The following SPIN1 variants were observed in gnomAD, a reference collection of about 807,000 sequenced individuals.
The protein encoded by SPIN1 is spindlin 1, also known as spindlin-1.
Under a neutral mutation model 26.0 loss-of-function variants are expected in SPIN1, and 3 were observed. The observed-to-expected ratio is 0.12, with a 90% CI of 0.05 to 0.30. SPIN1 has a LOEUF of 0.30. SPIN1 is among the 10% of genes least tolerant of loss of function. The probability of loss-of-function intolerance (pLI) is 1.00; values close to 1 mark genes in which losing one functional copy is unlikely to be tolerated. For missense variants in SPIN1, 126 were observed against 333.4 expected (o/e 0.38, Z 4.84); for synonymous variants, 101 against 116.5 (o/e 0.87, Z 0.86).
intron 2 of SPIN1, among the ~76,000 whole-genome samples, chr9:88,441,431 A>ATGTG (rs927476863): frequency 4.3e-5 from 4 of 93,300 alleles, no homozygotes; most frequent in African/African-American, 1.3e-4. Context: ...GCGCGCGCCC[A>ATGTG]TGTGTGTGTA....
intron 2 of SPIN1, among the ~76,000 whole-genome samples, chr9:88,440,861 G>T (rs1259430473): frequency 6.6e-6 from 1 of 151,718 alleles, no homozygotes; most frequent in Non-Finnish European, 1.5e-5. Context: ...TTACAGGCAT[G>T]ACACCGCGCC....
chr9:88,410,593 T>C, intron 1 of SPIN1: 1 of 894,444 alleles, frequency 1.1e-6, no homozygotes, highest in Non-Finnish European at 1.9e-6. Context: ...GCCACCGTGG[T>C]TTCATGGTTT....
At chr9:88,459,521 C>A (rs930349704) in intron 3 of SPIN1, among the ~76,000 whole-genome samples, 1 of 152,132 alleles carries the variant, frequency 6.6e-6, no homozygotes, top group Admixed American at 6.5e-5. Context: ...TTTCTCTCTA[C>A]AATCCTAATT....
At chr9:88,468,685 T>C in intron 5 of SPIN1, 80 bp downstream of exon 5, 3 of 879,676 alleles carry the variant, frequency 3.4e-6, no homozygotes, top group Non-Finnish European at 4.8e-6. Context: ...ATTGGCTCTT[T>C]TGCAGATACA....
chr9:88,474,045 C>A (rs1486561199), intron 5 of SPIN1, among the ~76,000 whole-genome samples: 1 of 152,164 alleles, frequency 6.6e-6, no homozygotes, highest in Non-Finnish European at 1.5e-5. Flanking sequence ...TTTATTGTAA[C>A]CGAAGAGGCA....
At chr9:88,451,224 G>A (rs1002655177) in intron 3 of SPIN1, among the ~76,000 whole-genome samples, 9 of 152,120 alleles carry the variant, frequency 5.9e-5, no homozygotes, top group African/African-American at 2.2e-4. Context: ...GCTCAATGAC[G>A]GTGGCCCTCC....
intron 1 of SPIN1, chr9:88,391,857 G>T (rs946484746): frequency 2.0e-5 from 3 of 152,190 alleles, no homozygotes; most frequent in Non-Finnish European, 2.9e-5. Context: ...ACAGTACTAA[G>T]CTCTTCCTGC....
At chr9:88,406,039 G>T (rs976536697) in intron 1 of SPIN1, among the ~76,000 whole-genome samples, 7 of 141,214 alleles carry the variant, frequency 5.0e-5, no homozygotes, top group Non-Finnish European at 1.1e-4. Flanking sequence ...GTGTGTGTGT[G>T]TGTACGTGTA....
chr9:88,425,668 T>C (rs7854113), intron 1 of SPIN1, among the ~76,000 whole-genome samples: 28,649 of 149,126 alleles, frequency 0.19, 3,620 homozygotes, highest in African/African-American at 0.37. Context: ...AGCGAGACTC[T>C]GTCTCAAAAA....
At chr9:88,457,905 A>G (rs1828501790) in intron 3 of SPIN1, 1 of 985,110 alleles carries the variant, frequency 1.0e-6, no homozygotes, top group Non-Finnish European at 1.2e-6. Flanking sequence ...TAGTAGCAAA[A>G]TGAAAATACC....
At position 88,478,380 on chromosome 9, in the gene SPIN1, AT is replaced by A. The variant is rs1828923923; in HGVS notation, c.*3104del. 1 of 152,632 alleles carries A rather than the reference AT, an allele frequency of 6.6e-6. No homozygotes were observed. Among genetic ancestry groups the A allele is most frequent in the Non-Finnish European group, 1.5e-5 (1 of 68,028 alleles). 9.5% of individuals were successfully genotyped at this position (152,632 alleles called of 1,614,324 possible). Reference sequence around the variant, plus strand: ...GAACAATTATTATAACAAAATAATTATGGTTGAAATGTCTGTGGTTCCTTGG... The same window carrying A: ...GAACAATTATTATAACAAAATAATTAGGTTGAAATGTCTGTGGTTCCTTGG... On this transcript the variant is annotated 3_prime_UTR_variant, in exon 6 of 6. Coordinates refer to ENST00000375859, the MANE Select transcript of SPIN1 (RefSeq NM_006717.3).
At chr9:88,399,747 G>A (rs1357188078) in intron 1 of SPIN1, among the ~76,000 whole-genome samples, 1 of 152,122 alleles carries the variant, frequency 6.6e-6, no homozygotes. Flanking sequence ...CATGCAAGTT[G>A]GAAACATAAA....
At chr9:88,449,421 GCTCA>G (rs1828315535) in intron 3 of SPIN1, among the ~76,000 whole-genome samples, 1 of 152,094 alleles carries the variant, frequency 6.6e-6, no homozygotes, top group Admixed American at 6.6e-5. Context: ...GGTGTCACAT[GCTCA>G]CTGTTTTATA....
chr9:88,470,441 A>G (rs1275748544), intron 5 of SPIN1, among the ~76,000 whole-genome samples: 1 of 152,208 alleles, frequency 6.6e-6, no homozygotes, highest in African/African-American at 2.4e-5. Flanking sequence ...ACAGCAGTGT[A>G]TGAGACTTCT....
chr9:88,392,065 T>C (rs1826934073), intron 1 of SPIN1, among the ~76,000 whole-genome samples: 1 of 152,228 alleles, frequency 6.6e-6, no homozygotes. Context: ...AAGTCTGTTC[T>C]GAGAATTACA....
intron 3 of SPIN1, among the ~76,000 whole-genome samples, chr9:88,456,611 G>C (rs1229154974): frequency 1.3e-5 from 2 of 152,166 alleles, no homozygotes; most frequent in Non-Finnish European, 2.9e-5. Context: ...CCAGGGTTGT[G>C]GCTTCTGTCA....
At chr9:88,390,738 G>T (rs1826902025) in intron 1 of SPIN1, among the ~76,000 whole-genome samples, 1 of 152,152 alleles carries the variant, frequency 6.6e-6, no homozygotes, top group Non-Finnish European at 1.5e-5. Context: ...CAATATTCTG[G>T]AGTTAGACAT....
intron 2 of SPIN1, among the ~76,000 whole-genome samples, chr9:88,431,115 C>T (rs1400496567): frequency 1.3e-5 from 2 of 151,916 alleles, no homozygotes; most frequent in Non-Finnish European, 1.5e-5. Context: ...GAACTCCTGA[C>T]CTCAGGTGAT....
chr9:88,425,995 C>G (rs1394443587), intron 1 of SPIN1, among the ~76,000 whole-genome samples: 1 of 152,110 alleles, frequency 6.6e-6, no homozygotes, highest in Non-Finnish European at 1.5e-5. Flanking sequence ...TTCTTTGTGT[C>G]CCATTAGACA....
Sources: allele counts gnomAD v4.1 joint callset (sites outside exome capture counted in the v4.1 genomes callset), GRCh38; gene constraint gnomAD v4.1.1; transcripts MANE v1.5; gene names NCBI Gene and HGNC (gene_info 2026-07-23, HGNC 2026-07-21).